DPY19L4: variants seen among roughly 807,000 people sequenced by gnomAD.
DPY19L4 encodes dpy-19 like 4, also known as probable C-mannosyltransferase DPY19L4.
DPY19L4 carries 97 observed loss-of-function variants against 102.8 expected under a neutral mutation model. The ratio of observed to expected loss-of-function variants is 0.94; its 90% confidence interval spans 0.80 to 1.12. The LOEUF (loss-of-function observed/expected upper bound fraction) is 1.12. Ranked by LOEUF, DPY19L4 falls within the 50% of genes most tolerant of loss-of-function variation. The pLI, the probability that DPY19L4 is intolerant of heterozygous loss-of-function variation, is 0.00. For missense variants in DPY19L4, 815 were observed against 850.4 expected, an observed-to-expected ratio of 0.96 and a Z score of 0.52; for synonymous variants, 252 against 283.1, an observed-to-expected ratio of 0.89 and a Z score of 1.10.
rs1810682214 is a variant in DPY19L4, at chr8:94,726,222, A to G, written c.17-109A>G. ...TATGAAAAGGTTATCTTTGATACTA[A>G]TAGGTCTTAGTGGTACTTTTGCTTT... On this transcript the variant is annotated intron_variant, in intron 1 of 18. Transcript: ENST00000414645. The G allele has an allele frequency of 4.2e-6, 3 of 714,908 alleles. No homozygotes were observed. In the South Asian group the frequency reaches 9.9e-5, roughly 24 times the overall value. 44.3% of individuals were successfully genotyped at this position (714,908 alleles called of 1,614,324 possible). A position where few individuals can be genotyped will look rare whatever the true frequency, so the allele number is the denominator to read the frequency against.
intron 13 of DPY19L4, among the ~76,000 whole-genome samples, chr8:94,771,595 C>G (rs956843097): frequency 6.6e-6 from 1 of 152,166 alleles, no homozygotes; most frequent in South Asian, 2.1e-4. Flanking sequence ...TTAAAGAGAT[C>G]AGAAAAGTTC....
intron 18 of DPY19L4, among the ~76,000 whole-genome samples, chr8:94,788,399 G>C (rs929095219): frequency 6.6e-6 from 1 of 152,040 alleles, no homozygotes; most frequent in Non-Finnish European, 1.5e-5. Context: ...ATAATCTAAA[G>C]AGCAACTGGT....
intron 6 of DPY19L4, among the ~76,000 whole-genome samples, chr8:94,741,039 T>G (rs900546839): frequency 6.6e-6 from 1 of 152,202 alleles, no homozygotes. Flanking sequence ...CTTTTACCTT[T>G]ATCTCCTGTG....
chr8:94,766,718 C>G (rs6994918), intron 11 of DPY19L4, 33 bp downstream of exon 11: 3 of 1,551,046 alleles, frequency 1.9e-6, no homozygotes, highest in African/African-American at 1.4e-5. Context: ...TTACCTAAAT[C>G]GATACCACTT....
rs543559736 is a variant in DPY19L4 at position 94,781,318 on chromosome 8, T to A, written c.1715+152T>A. The A allele has an allele frequency of 3.6e-5, 22 of 606,646 alleles. No individual in the cohort carries two copies. The South Asian group carries it at 7.2e-4, about 20-fold the overall frequency. 37.6% of individuals were successfully genotyped at this position (606,646 alleles called of 1,614,324 possible). A position where few individuals can be genotyped will look rare whatever the true frequency, so the allele number is the denominator to read the frequency against. On this transcript the variant is annotated intron_variant, in intron 16 of 18. Transcript: ENST00000414645. Reference sequence around the variant, plus strand: ...GGGATATTTAGATTTTGGTTGGACTTAGTGATACTAATTTTCCGCTCATCT... The same window carrying A: ...GGGATATTTAGATTTTGGTTGGACTAAGTGATACTAATTTTCCGCTCATCT...
At chr8:94,781,766 A>C (rs1431546762) in intron 16 of DPY19L4, among the ~76,000 whole-genome samples, 2 of 152,236 alleles carry the variant, frequency 1.3e-5, no homozygotes, top group African/African-American at 4.8e-5. Flanking sequence ...TCTCTTGGTC[A>C]AAAAAATTCT....
chr8:94,766,453 T>C (rs1812678126), intron 10 of DPY19L4, among the ~76,000 whole-genome samples, 159 bp from the exon 11 acceptor site: 1 of 152,248 alleles, frequency 6.6e-6, no homozygotes, highest in Non-Finnish European at 1.5e-5. Context: ...GATTGATTTA[T>C]GTCAGTAAAT....
chr8:94,733,118 CTTTTTTTTTTT>C (rs34879619), intron 2 of DPY19L4, among the ~76,000 whole-genome samples: 5 of 76,330 alleles, frequency 6.6e-5, no homozygotes, highest in African/African-American at 2.4e-4. Flanking sequence ...TCATCTTAAC[CTTTTTTTTTTT>C]TTTTTTTTTT....
chr8:94,721,237 GT>G (rs1334038858), intron 1 of DPY19L4, among the ~76,000 whole-genome samples: 1 of 152,118 alleles, frequency 6.6e-6, no homozygotes, highest in African/African-American at 2.4e-5. Flanking sequence ...TGAGCCACGG[GT>G]CCAGCCGACT....
At chr8:94,740,441 G>C (rs1344983446) in intron 6 of DPY19L4, among the ~76,000 whole-genome samples, 1 of 151,824 alleles carries the variant, frequency 6.6e-6, no homozygotes, top group Non-Finnish European at 1.5e-5. Context: ...TTTTGGTTTT[G>C]TTTTGGTTTT....
chr8:94,751,648 G>A (rs1396221800), intron 6 of DPY19L4, among the ~76,000 whole-genome samples: 3 of 151,618 alleles, frequency 2.0e-5, no homozygotes, highest in Non-Finnish European at 4.4e-5. Context: ...CACCACCACG[G>A]CCAGCTGATT....
At chr8:94,765,084 C>T in intron 8 of DPY19L4, 99 bp from the exon 9 acceptor site, 1 of 869,562 alleles carries the variant, frequency 1.2e-6, no homozygotes, top group Admixed American at 3.1e-5. Flanking sequence ...TATAGTAGAG[C>T]ATTAACTGTA....
At chr8:94,726,925 T>A (rs1810716268) in intron 2 of DPY19L4, among the ~76,000 whole-genome samples, 1 of 152,160 alleles carries the variant, frequency 6.6e-6, no homozygotes, top group African/African-American at 2.4e-5. Flanking sequence ...AAAATAGTTG[T>A]GAATAATAAT....
At chr8:94,738,956 A>C (rs1016148542) in intron 4 of DPY19L4, among the ~76,000 whole-genome samples, 2 of 152,186 alleles carry the variant, frequency 1.3e-5, no homozygotes, top group African/African-American at 4.8e-5. Context: ...ATAATGATCA[A>C]ATCAGGGTAG....
rs546482021 is a variant in DPY19L4, at chr8:94,776,944, C to T, written c.1455-722C>T. Reference sequence around the variant, plus strand: ...CACAACCACTGTACTCTAGCCTGGGCGACAGTGAGACTCCGCTTCAAAAAA... The same window carrying T: ...CACAACCACTGTACTCTAGCCTGGGTGACAGTGAGACTCCGCTTCAAAAAA... On this transcript the variant is annotated intron_variant, in intron 13 of 18. Transcript: ENST00000414645. Among the ~76,000 whole-genome samples the T allele has an allele frequency of 1.9e-3, 268 of 138,230 alleles. 1 individual carries two copies. Among genetic ancestry groups the T allele is most frequent in the African/African-American group, 6.2e-3 (223 of 36,008 alleles). The allele number at this position is 138,230 out of a possible 152,430, so 90.7% of individuals were successfully genotyped here.
Position 94,755,995 on chromosome 8 carries a change from A to G in DPY19L4, c.612-41A>G, listed in dbSNP as rs756068996. On this transcript the variant is annotated intron_variant, in intron 6 of 18. Coordinates refer to ENST00000414645, the MANE Select transcript of DPY19L4 (RefSeq NM_181787.3). ...TTGAAAAGTATAGTGTAACACAAAT[A>G]TAATGTCTTATTTTTACTGTTCATC... is the stretch of plus-strand genomic sequence containing the variant. The G allele has an allele frequency of 1.2e-5, 19 of 1,575,762 alleles. No homozygotes were observed. The Admixed American group carries it at 2.3e-4, about 19-fold the overall frequency.
chr8:94,732,811 C>CTTTTTTTTTTTTT (rs10624368), intron 2 of DPY19L4, among the ~76,000 whole-genome samples: 1 of 128,100 alleles, frequency 7.8e-6, no homozygotes, highest in African/African-American at 2.9e-5. Context: ...CTTTTTCTTT[C>CTTTTTTTTTTTTT]TTTTTTTTTT....
intron 1 of DPY19L4, among the ~76,000 whole-genome samples, chr8:94,723,647 G>T (rs140891238): frequency 1.3e-5 from 2 of 152,248 alleles, no homozygotes; most frequent in East Asian, 3.9e-4. Flanking sequence ...TTAGGGATAA[G>T]GTTGAAGAGA....
intron 3 of DPY19L4, 58 bp downstream of exon 3, chr8:94,734,812 T>C: frequency 6.2e-7 from 1 of 1,606,878 alleles, no homozygotes; most frequent in African/African-American, 1.3e-5. Flanking sequence ...CCAGAATGTA[T>C]GTATGATAAG....
Sources: gnomAD v4.1 joint callset for allele counts (sites outside exome capture counted in the v4.1 genomes callset) on GRCh38, gnomAD v4.1.1 for gene constraint, MANE v1.5 for transcripts, NCBI Gene and HGNC (gene_info 2026-07-23, HGNC 2026-07-21) for gene names.